The following PLEKHM3 variants were observed in gnomAD, a reference collection of about 807,000 sequenced individuals.
The protein encoded by PLEKHM3 is pleckstrin homology domain-containing family M member 3.
In PLEKHM3, 45 loss-of-function variants were observed where a neutral mutation model predicts 81.8. The ratio of observed to expected loss-of-function variants is 0.55; its 90% confidence interval spans 0.43 to 0.71. The LOEUF is 0.71. Ranked by LOEUF, PLEKHM3 falls within the 30% of genes least tolerant of loss-of-function variation. The pLI is 0.00. For missense variants in PLEKHM3, 788 were observed against 924.3 expected (o/e 0.85, Z 1.91); for synonymous variants, 352 against 356.4 (o/e 0.99, Z 0.14).
In PLEKHM3 at chr2:207,822,883, G is replaced by A. The variant is rs1487092130; in HGVS notation, c.*5436C>T. 6.6e-6 allele frequency: 1 copy of A among 152,542 alleles called. No individual in the cohort carries two copies. Among genetic ancestry groups the A allele is most frequent in the Non-Finnish European group, 1.5e-5 (1 of 68,304 alleles). 9.4% of individuals were successfully genotyped at this position (152,542 alleles called of 1,614,324 possible). A position where few individuals can be genotyped will look rare whatever the true frequency, so the allele number is the denominator to read the frequency against. On this transcript the variant is annotated 3_prime_UTR_variant, in exon 8 of 8. Coordinates refer to ENST00000427836, the MANE Select transcript of PLEKHM3 (RefSeq NM_001080475.3). ...AAGGGAAGGCCAACATGGAGAAGGA[G>A]CCACAGGCCCCAGCTGTCCTCTAGC...
At chr2:207,873,654 G>T (rs568018786) in intron 6 of PLEKHM3, among the ~76,000 whole-genome samples, 3 of 152,328 alleles carry the variant, frequency 2.0e-5, no homozygotes, top group Non-Finnish European at 4.4e-5. Flanking sequence ...TTCAAAGAGG[G>T]AAGTAAGGCC....
chr2:208,023,513 G>A (rs923640655), intron 1 of PLEKHM3, among the ~76,000 whole-genome samples: 2 of 151,996 alleles, frequency 1.3e-5, no homozygotes, highest in Non-Finnish European at 2.9e-5. Context: ...CGATGGACCA[G>A]CCACGCATTG....
At chr2:207,842,078 T>C (rs6747024) in intron 7 of PLEKHM3, among the ~76,000 whole-genome samples, 49,286 of 152,002 alleles carry the variant, frequency 0.32, 8,340 homozygotes, top group African/African-American at 0.41. Flanking sequence ...GCTGGGACTA[T>C]AGGCGCACGC....
chr2:207,853,417 C>CA (rs752381538), intron 7 of PLEKHM3, among the ~76,000 whole-genome samples: 8,292 of 113,988 alleles, frequency 0.073, 415 homozygotes, highest in African/African-American at 0.17. Context: ...AACTTCGTCT[C>CA]AAAAAAAAAA....
chr2:207,967,225 C>G (rs866583594), intron 3 of PLEKHM3, among the ~76,000 whole-genome samples: 1 of 151,980 alleles, frequency 6.6e-6, no homozygotes, highest in Non-Finnish European at 1.5e-5. Context: ...AAACTCCTGG[C>G]CTCAGGCAAT....
At chr2:207,981,127 C>CA (rs553157217) in intron 2 of PLEKHM3, among the ~76,000 whole-genome samples, 906 of 73,200 alleles carry the variant, frequency 0.012, 9 homozygotes, top group African/African-American at 0.037. Context: ...GACTCCATCT[C>CA]AAAAAAAAAA....
chr2:207,854,781 CA>C (rs1246628342), intron 7 of PLEKHM3, among the ~76,000 whole-genome samples: 2 of 152,146 alleles, frequency 1.3e-5, no homozygotes, highest in Non-Finnish European at 2.9e-5. Flanking sequence ...GGATTCTCCA[CA>C]GTTTTTACTA....
At chr2:207,992,437 A>G (rs1485967042) in intron 2 of PLEKHM3, among the ~76,000 whole-genome samples, 2 of 152,230 alleles carry the variant, frequency 1.3e-5, no homozygotes, top group Non-Finnish European at 2.9e-5. Context: ...GACAGTATTA[A>G]TAATAACAAA....
chr2:208,013,245 T>C (rs1483754014), intron 1 of PLEKHM3, among the ~76,000 whole-genome samples: 22 of 152,140 alleles, frequency 1.4e-4, no homozygotes, highest in Admixed American at 1.4e-3. Context: ...GGGCCAGGCA[T>C]GGTGGCTCAT....
At position 207,845,325 on chromosome 2, in the gene PLEKHM3, A is replaced by G. The variant is rs187815637; in HGVS notation, c.2108+15780T>C. 2.0e-3 allele frequency among the ~76,000 whole-genome samples: 301 copies of G among 152,350 alleles called. 3 individuals carry two copies. Among genetic ancestry groups the G allele is most frequent in the African/African-American group, 7.1e-3 (296 of 41,582 alleles). ...GTACCCTTTGTAATTCTAAAGCATA[A>G]AACAGTTCATTTCAGAACATACTGC... is the stretch of plus-strand genomic sequence containing the variant. On this transcript the variant is annotated intron_variant, in intron 7 of 7. Transcript: ENST00000427836.
chr2:207,907,466 C>A (rs1005318681), intron 6 of PLEKHM3, among the ~76,000 whole-genome samples: 3 of 151,960 alleles, frequency 2.0e-5, no homozygotes, highest in Non-Finnish European at 4.4e-5. Context: ...CATGCCACTG[C>A]ACTCCAGCCT....
At chr2:208,009,687 T>C (rs1026727233) in intron 1 of PLEKHM3, among the ~76,000 whole-genome samples, 2 of 152,164 alleles carry the variant, frequency 1.3e-5, no homozygotes, top group Non-Finnish European at 2.9e-5. Context: ...CCTCTTCCAT[T>C]TGTGTAACTC....
At chr2:207,940,040 C>T (rs118181173) in intron 4 of PLEKHM3, among the ~76,000 whole-genome samples, 1 of 152,202 alleles carries the variant, frequency 6.6e-6, no homozygotes, top group East Asian at 1.9e-4. Flanking sequence ...TGTGATAAGG[C>T]CAATTTGGGA....
chr2:207,972,668 C>T (rs1002588060), intron 3 of PLEKHM3, among the ~76,000 whole-genome samples: 5 of 151,668 alleles, frequency 3.3e-5, no homozygotes, highest in African/African-American at 9.7e-5. Flanking sequence ...GAAGAAGCCA[C>T]GGAACAGTCA....
chr2:207,974,711 A>G (rs1376889319), intron 3 of PLEKHM3, among the ~76,000 whole-genome samples: 8 of 152,286 alleles, frequency 5.3e-5, no homozygotes, highest in East Asian at 1.9e-4. Context: ...AGTAATTTCT[A>G]TTTTTTTAAA....
Position 207,861,274 on chromosome 2 carries a change from GA to G in PLEKHM3, c.1951-13del, listed in dbSNP as rs752091040. Reference sequence around the variant, plus strand: ...TTTCCCTCTATTACCTGCAGAAAGAGAAATGGGACAGGGAAGCACATTTATT... The same window carrying G: ...TTTCCCTCTATTACCTGCAGAAAGAGAATGGGACAGGGAAGCACATTTATT... On this transcript the variant is annotated splice_polypyrimidine_tract_variant and intron_variant, in intron 6 of 7. Transcript: ENST00000427836. The G allele has an allele frequency of 1.2e-6, 2 of 1,613,540 alleles. No individual in the cohort carries two copies. Among genetic ancestry groups the G allele is most frequent in the East Asian group, 4.5e-5 (2 of 44,868 alleles).
intron 6 of PLEKHM3, among the ~76,000 whole-genome samples, chr2:207,871,661 C>T (rs1466003194): frequency 1.3e-5 from 2 of 152,102 alleles, no homozygotes; most frequent in Non-Finnish European, 2.9e-5. Flanking sequence ...AGCTTTTCTG[C>T]ACTAAGTGCC....
At chr2:207,964,522 TG>T (rs1313803562) in intron 3 of PLEKHM3, among the ~76,000 whole-genome samples, 1 of 151,956 alleles carries the variant, frequency 6.6e-6, no homozygotes, top group Non-Finnish European at 1.5e-5. Flanking sequence ...AAAGGAGAAA[TG>T]TTCGATTATA....
chr2:207,899,177 GT>G (rs1463290397), intron 6 of PLEKHM3, among the ~76,000 whole-genome samples: 1 of 152,178 alleles, frequency 6.6e-6, no homozygotes, highest in Non-Finnish European at 1.5e-5. Context: ...ATGCATCCTG[GT>G]TACATTTCTG....
Sources: allele counts gnomAD v4.1 joint callset (sites outside exome capture counted in the v4.1 genomes callset), GRCh38; gene constraint gnomAD v4.1.1; transcripts MANE v1.5; gene names NCBI Gene and HGNC (gene_info 2026-07-23, HGNC 2026-07-21).